The following ERMP1 variants were observed in gnomAD, a reference collection of about 807,000 sequenced individuals.
ERMP1 encodes Felix-ina.
In ERMP1, 86 loss-of-function variants were observed where a neutral mutation model predicts 92.0. The ratio of observed to expected loss-of-function variants is 0.93; its 90% CI spans 0.79 to 1.12. The LOEUF is 1.12. ERMP1 is among the 50% of genes most tolerant of loss of function. The probability of loss-of-function intolerance (pLI) is 0.00; values close to 1 mark genes in which losing one functional copy is unlikely to be tolerated. For synonymous variants in ERMP1, 530 were observed against 412.8 expected (o/e 1.28, Z -3.44); for missense variants, 1,342 against 1,116.3 (o/e 1.20, Z -2.88).
intron 13 of ERMP1, among the ~76,000 whole-genome samples, chr9:5,790,711 A>T (rs1303477533): frequency 6.6e-6 from 1 of 152,276 alleles, no homozygotes; most frequent in African/African-American, 2.4e-5. Context: ...ATTCACAATG[A>T]AGACATAAAA....
chr9:5,858,309 A>C (rs957342104), intron 6 of ERMP1, among the ~76,000 whole-genome samples: 16 of 152,236 alleles, frequency 1.1e-4, no homozygotes, highest in African/African-American at 3.6e-4. Flanking sequence ...AGTGCTGAGA[A>C]GTTCCAAAGA....
intron 10 of ERMP1, among the ~76,000 whole-genome samples, chr9:5,803,817 T>C (rs1828765686): frequency 6.6e-6 from 1 of 152,232 alleles, no homozygotes; most frequent in Admixed American, 6.5e-5. Flanking sequence ...ATAAGGATTA[T>C]CCTTATCCTT....
At chr9:5,819,303 C>G (rs1266593428) in intron 4 of ERMP1, among the ~76,000 whole-genome samples, 1 of 152,154 alleles carries the variant, frequency 6.6e-6, no homozygotes, top group Non-Finnish European at 1.5e-5. Context: ...AGAATCAAAA[C>G]AGACTCACTT....
chr9:5,829,038 GT>G (rs1457705828), intron 2 of ERMP1, among the ~76,000 whole-genome samples: 1 of 152,012 alleles, frequency 6.6e-6, no homozygotes, highest in Admixed American at 6.6e-5. Flanking sequence ...GAGGTCAGGA[GT>G]TCAAGACCAG....
intron 6 of ERMP1, among the ~76,000 whole-genome samples, chr9:5,842,322 A>G (rs890099571): frequency 1.3e-5 from 2 of 151,998 alleles, no homozygotes; most frequent in South Asian, 2.1e-4. Context: ...TGTGTTTACA[A>G]TCCTTTAGCT....
rs555570001 is a variant in ERMP1, at chr9:5,784,809, G to A, written c.*2335C>T. The A allele has an allele frequency of 3.2e-5, 4 of 123,964 alleles. No individual in the cohort carries two copies. Among genetic ancestry groups the A allele is most frequent in the East Asian group, 1.9e-4 (1 of 5,186 alleles). 7.7% of individuals were successfully genotyped at this position (123,964 alleles called of 1,614,324 possible). On this transcript the variant is annotated 3_prime_UTR_variant, in exon 15 of 15. Coordinates refer to ENST00000339450, the MANE Select transcript of ERMP1 (RefSeq NM_024896.3). ...TCATTCTTAGGTCAAACACAAGAAC[G>A]AACTATTTTGAAATCAATTCCTCAC...
At chr9:5,831,080 G>C (rs774187478) in intron 1 of ERMP1, 52 bp from the exon 2 acceptor site, 1 of 1,493,532 alleles carries the variant, frequency 6.7e-7, no homozygotes. Context: ...TTGACACTTA[G>C]CGTGGGTAAC....
At position 5,786,256 on chromosome 9, in the gene ERMP1, C is replaced by G. The variant is rs1827931708; in HGVS notation, c.*888G>C. The G allele has an allele frequency of 6.6e-6, 1 of 152,168 alleles. No individual in the cohort carries two copies. The highest frequency in any genetic ancestry group is 6.6e-5 in the Admixed American group (1 of 15,266). 9.4% of individuals were successfully genotyped at this position (152,168 alleles called of 1,614,324 possible). A position where few individuals can be genotyped will look rare whatever the true frequency, so the allele number is the denominator to read the frequency against. ...AAGAGAATAAATATTTATAAAATTC[C>G]CACCACTCCCAGCCTTCCTTCTACC... is the stretch of plus-strand genomic sequence containing the variant. On this transcript the variant is annotated 3_prime_UTR_variant, in exon 15 of 15. Coordinates refer to ENST00000339450, the MANE Select transcript of ERMP1 (RefSeq NM_024896.3).
intron 4 of ERMP1, 40 bp from the exon 5 acceptor site, chr9:5,813,075 C>A (rs760669331): frequency 6.3e-7 from 1 of 1,584,300 alleles, no homozygotes; most frequent in East Asian, 2.4e-5. Context: ...GGTATTCCGG[C>A]AATTTTTTTT....
chr9:5,800,054 C>A (rs1445303160), intron 11 of ERMP1, among the ~76,000 whole-genome samples: 6 of 152,002 alleles, frequency 3.9e-5, no homozygotes, highest in Non-Finnish European at 8.8e-5. Flanking sequence ...GGTATAATTC[C>A]TCTGGCATTT....
intron 2 of ERMP1, among the ~76,000 whole-genome samples, chr9:5,829,834 G>A (rs1829872318): frequency 6.6e-6 from 1 of 152,100 alleles, no homozygotes; most frequent in Non-Finnish European, 1.5e-5. Flanking sequence ...AAAATGCTAT[G>A]CCATTGTAAA....
Position 5,830,740 on chromosome 9 carries a change from T to C in ERMP1, c.627A>G (p.Val209=), listed in dbSNP as rs749814052. ...AVLANCHFDS[V]ANSPGASDDA... is the part of the protein sequence containing the mutation. ...ACAGGTACATACCTGGTGAGTTTGCTACTGAGTCAAAATGACAATTAGCCA... is the reference window on the plus strand; with the variant it reads ...ACAGGTACATACCTGGTGAGTTTGCCACTGAGTCAAAATGACAATTAGCCA... Residue 209 remains valine (V), a synonymous_variant, in exon 2 of 15, where the codon GTA becomes GTG. Transcript: ENST00000339450. 4 of 1,612,154 alleles carry C rather than the reference T, an allele frequency of 2.5e-6. No individual in the cohort carries two copies. The Admixed American group carries it at 6.7e-5, about 27-fold the overall frequency.
intron 4 of ERMP1, among the ~76,000 whole-genome samples, chr9:5,822,693 T>A (rs929697198): frequency 6.6e-6 from 1 of 152,182 alleles, no homozygotes; most frequent in African/African-American, 2.4e-5. Context: ...TAAAATGCAT[T>A]ACCCAAATTT....
chr9:5,838,053 C>T (rs1279153896), upstream of ERMP1, among the ~76,000 whole-genome samples: 1 of 152,116 alleles, frequency 6.6e-6, no homozygotes, highest in Non-Finnish European at 1.5e-5. Flanking sequence ...GAGCCAACAT[C>T]ACGCACTGCC....
intron 2 of ERMP1, 53 bp downstream of exon 2, chr9:5,830,674 A>G: frequency 6.8e-7 from 1 of 1,471,300 alleles, no homozygotes; most frequent in Non-Finnish European, 9.2e-7. Flanking sequence ...GGTTATGTTA[A>G]TAAACTTTCT....
At chr9:5,787,671 T>G in intron 13 of ERMP1, 78 bp from the exon 14 acceptor site, 1 of 1,379,110 alleles carries the variant, frequency 7.3e-7, no homozygotes, top group Non-Finnish European at 1.0e-6. Flanking sequence ...AAACCAGACT[T>G]CATAAAGGTT....
chr9:5,801,077 A>C, intron 11 of ERMP1, 99 bp downstream of exon 11: 1 of 1,288,906 alleles, frequency 7.8e-7, no homozygotes, highest in Non-Finnish European at 1.1e-6. Flanking sequence ...AAATAGGTCA[A>C]CAGCAGAAAA....
chr9:5,830,983 TC>T lies in ERMP1; in HGVS notation c.383del (p.Gly128GlufsTer8). ...HITSIGPRTT[G>X]SPENEILTVH... ...CGGTCAGAATTTCATTTTCTGGACT[TC>T]CTGTAGTCCTGGGGCCAATGGAGGT... On this transcript the variant is annotated frameshift_variant, in exon 2 of 15. Coordinates refer to ENST00000339450, the MANE Select transcript of ERMP1 (RefSeq NM_024896.3). LOFTEE classifies it high-confidence loss of function. The T allele has an allele frequency of 6.2e-7, 1 of 1,614,080 alleles. No individual in the cohort carries two copies. Among genetic ancestry groups the T allele is most frequent in the Non-Finnish European group, 8.5e-7 (1 of 1,179,924 alleles).
chr9:5,796,442 C>T (rs1307997540), intron 13 of ERMP1, among the ~76,000 whole-genome samples: 3 of 152,198 alleles, frequency 2.0e-5, no homozygotes, highest in African/African-American at 7.2e-5. Context: ...CACTCCTAAG[C>T]ATTTACCCAA....
Sources: allele counts gnomAD v4.1 joint callset (sites outside exome capture counted in the v4.1 genomes callset), GRCh38; gene constraint gnomAD v4.1.1; transcripts MANE v1.5; gene names NCBI Gene and HGNC (gene_info 2026-07-23, HGNC 2026-07-21).